The following RABGEF1 variants were observed in gnomAD, a reference collection of about 807,000 sequenced individuals.
The protein encoded by RABGEF1 is rab5 GDP/GTP exchange factor.
Under a neutral mutation model 57.3 loss-of-function variants are expected in RABGEF1, and 26 were observed. The ratio of observed to expected loss-of-function variants is 0.45; its 90% CI spans 0.33 to 0.63. The LOEUF is 0.63. Among genes scored for constraint, RABGEF1 ranks in the 20% least tolerant of loss-of-function variants. The pLI, the probability that RABGEF1 is intolerant of heterozygous loss-of-function variation, is 0.02. For missense variants in RABGEF1, 464 were observed against 607.6 expected, an observed-to-expected ratio of 0.76 and a Z score of 2.48; for synonymous variants, 185 against 210.7, an observed-to-expected ratio of 0.88 and a Z score of 1.06.
At chr7:66,789,283 C>A (rs1811990854) in intron 4 of RABGEF1, among the ~76,000 whole-genome samples, 1 of 152,124 alleles carries the variant, frequency 6.6e-6, no homozygotes, top group African/African-American at 2.4e-5. Context: ...GGTAGCAACC[C>A]AGGACCTAAT....
At chr7:66,705,803 G>C (rs1420012419) in intron 1 of RABGEF1, among the ~76,000 whole-genome samples, 1 of 146,146 alleles carries the variant, frequency 6.8e-6, no homozygotes, top group Non-Finnish European at 1.5e-5. Flanking sequence ...TCCACCTCCT[G>C]GGTTCAAACA....
chr7:66,796,835 C>T, intron 5 of RABGEF1: 1 of 407,632 alleles, frequency 2.5e-6, no homozygotes, highest in Non-Finnish European at 4.8e-6. Context: ...AGGCGATCCA[C>T]CTGCCTCAGC....
In RABGEF1 at chr7:66,720,765, A is replaced by G. The variant is rs1309822133; in HGVS notation, c.-815+8541A>G. The stretch of plus-strand genomic sequence containing the variant: ...GAAAGGAGGAAGTAACACTGTTCTT[A>G]TTGCAGACAACATGATCATCTGTAT... On this transcript the variant is annotated intron_variant and NMD_transcript_variant, in intron 2 of 9. Coordinates refer to the RABGEF1 transcript ENST00000607882. Among the ~76,000 whole-genome samples, 4 of 152,214 alleles carry G rather than the reference A, an allele frequency of 2.6e-5. No homozygotes were observed. The South Asian group carries it at 8.3e-4, about 32-fold the overall frequency.
chr7:66,777,090 T>A (rs1808734160), intron 3 of RABGEF1, among the ~76,000 whole-genome samples: 1 of 152,238 alleles, frequency 6.6e-6, no homozygotes, highest in South Asian at 2.1e-4. Context: ...AAGTGTTAGC[T>A]GTTTTAAAAT....
intron 1 of RABGEF1, among the ~76,000 whole-genome samples, chr7:66,686,100 C>T (rs757957417): frequency 2.6e-5 from 4 of 151,944 alleles, no homozygotes; most frequent in Admixed American, 2.0e-4. Flanking sequence ...ATCAAGACTG[C>T]GAAACCCCGT....
At chr7:66,802,446 G>A (rs1346562249) in intron 7 of RABGEF1, among the ~76,000 whole-genome samples, 2 of 152,340 alleles carry the variant, frequency 1.3e-5, no homozygotes, top group Non-Finnish European at 1.5e-5. Flanking sequence ...TTAGCTCTGT[G>A]TTTCCTATTC....
chr7:66,732,746 T>TCTCGCTCTCTTGCTGTCTCTCTTTCTCA (rs1165415550), intron 2 of RABGEF1, among the ~76,000 whole-genome samples: 1 of 152,002 alleles, frequency 6.6e-6, no homozygotes, highest in African/African-American at 2.4e-5. Context: ...TTGCTGTCTC[T>TCTCGCTCTCTTGCTGTCTCTCTTTCTCA]CTCGCTCTCT....
the RABGEF1 span, among the ~76,000 whole-genome samples, chr7:66,656,889 T>C: frequency 6.6e-6 from 1 of 151,416 alleles, no homozygotes; most frequent in Non-Finnish European, 1.5e-5. Flanking sequence ...ACAATAGGTT[T>C]TAAGCCAAGA....
At chr7:66,684,402 C>T (rs1359684028) in intron 1 of RABGEF1, among the ~76,000 whole-genome samples, 1 of 152,110 alleles carries the variant, frequency 6.6e-6, no homozygotes, top group African/African-American at 2.4e-5. Context: ...GAGGTTGCAC[C>T]AGTGCACTCC....
At chr7:66,737,109 A>AGC, upstream of RABGEF1, among the ~76,000 whole-genome samples, 1 of 151,908 alleles carries the variant, frequency 6.6e-6, no homozygotes. Context: ...AGAGAGAGAG[A>AGC]GAGAGAGAGA....
chr7:66,775,893 G>C (rs990194179), intron 3 of RABGEF1, among the ~76,000 whole-genome samples: 1 of 152,174 alleles, frequency 6.6e-6, no homozygotes, highest in East Asian at 1.9e-4. Flanking sequence ...GGGCTCTTGG[G>C]GGGATGAAAG....
At chr7:66,760,325 C>T (rs539357875) in intron 1 of RABGEF1, among the ~76,000 whole-genome samples, 22 of 152,196 alleles carry the variant, frequency 1.4e-4, no homozygotes, top group African/African-American at 5.3e-4. Flanking sequence ...CAACATGTTG[C>T]TCTTGTGTTA....
At chr7:66,804,587 T>A (rs1788010308) in intron 7 of RABGEF1, among the ~76,000 whole-genome samples, 3 of 151,942 alleles carry the variant, frequency 2.0e-5, no homozygotes, top group African/African-American at 7.3e-5. Context: ...ATACAAAAAG[T>A]AGCTGGGTGT....
At chr7:66,733,754 G>A (rs965890904) in intron 2 of RABGEF1, among the ~76,000 whole-genome samples, 9 of 152,026 alleles carry the variant, frequency 5.9e-5, no homozygotes, top group Non-Finnish European at 1.3e-4. Context: ...TATAATCCCA[G>A]CACTTTGGGA....
At chr7:66,670,025 A>G in the RABGEF1 span, among the ~76,000 whole-genome samples, 1 of 152,246 alleles carries the variant, frequency 6.6e-6, no homozygotes, top group East Asian at 1.9e-4. Context: ...CAACAGCCAG[A>G]ATAACTTGCA....
chr7:66,793,156 A>G (rs1019469261), intron 4 of RABGEF1, among the ~76,000 whole-genome samples: 7 of 152,196 alleles, frequency 4.6e-5, no homozygotes, highest in African/African-American at 1.4e-4. Flanking sequence ...AGCGAGCACT[A>G]CAGGTTGAGT....
At chr7:66,695,691 C>T (rs1057034408) in intron 1 of RABGEF1, among the ~76,000 whole-genome samples, 2 of 152,058 alleles carry the variant, frequency 1.3e-5, no homozygotes, top group Admixed American at 6.6e-5. Context: ...ACTGGCCAGG[C>T]GCAGTGGCTC....
the RABGEF1 span, chr7:66,669,913 C>T: frequency 6.6e-6 from 1 of 152,220 alleles, no homozygotes; most frequent in African/African-American, 2.4e-5. Context: ...CCCTACCCCA[C>T]TTCCCTCTGT....
chr7:66,660,120 G>A, the RABGEF1 span, among the ~76,000 whole-genome samples: 27 of 150,954 alleles, frequency 1.8e-4, no homozygotes, highest in Admixed American at 9.2e-4. Context: ...GGCCAAGGCC[G>A]GCGGATCACG....
Sources: allele counts gnomAD v4.1 joint callset (sites outside exome capture counted in the v4.1 genomes callset), GRCh38; gene constraint gnomAD v4.1.1; transcripts MANE v1.5; gene names NCBI Gene and HGNC (gene_info 2026-07-23, HGNC 2026-07-21).